Variants in LRRK1 observed in about 807,000 individuals in gnomAD.
LRRK1 encodes leucine rich repeat kinase 1, also known as leucine-rich repeat serine/threonine-protein kinase 1.
Under a neutral mutation model 209.1 loss-of-function variants are expected in LRRK1, and 113 were observed. That is an observed-to-expected ratio of 0.54 (90% CI 0.46 to 0.63). LRRK1 has a LOEUF of 0.63. Among genes scored for constraint, LRRK1 ranks in the 30% least tolerant of loss-of-function variants. LRRK1 has a pLI of 0.00. For synonymous variants in LRRK1, 1,144 were observed against 1,099.7 expected, an observed-to-expected ratio of 1.04 and a Z score of -0.80; for missense variants, 2,284 against 2,632.2, an observed-to-expected ratio of 0.87 and a Z score of 2.89.
chr15:100,999,782 G>A (rs1190521587), intron 6 of LRRK1, among the ~76,000 whole-genome samples: 1 of 152,070 alleles, frequency 6.6e-6, no homozygotes, highest in Non-Finnish European at 1.5e-5. Context: ...TTTTATTTTG[G>A]TAAGTAAATC....
At chr15:100,984,297 TC>T (rs1388269835) in intron 4 of LRRK1, among the ~76,000 whole-genome samples, 1 of 152,232 alleles carries the variant, frequency 6.6e-6, no homozygotes, top group African/African-American at 2.4e-5. Context: ...TGACAACTGA[TC>T]AACTAATATT....
chr15:100,962,804 T>TACATATACATATATATACACATATATAC (rs1252133441), intron 2 of LRRK1, among the ~76,000 whole-genome samples: 1 of 37,190 alleles, frequency 2.7e-5, no homozygotes, highest in African/African-American at 9.8e-5. Flanking sequence ...CATATATATA[T>TACATATACATATATATACACATATATAC]ATATATATAT....
At chr15:100,941,290 C>CTGTGTGTATG (rs1567190626) in intron 2 of LRRK1, among the ~76,000 whole-genome samples, 4 of 28,204 alleles carry the variant, frequency 1.4e-4, no homozygotes, top group African/African-American at 8.8e-4. Flanking sequence ...GTGTGTGTGT[C>CTGTGTGTATG]TGTGTGTGTC....
At chr15:100,972,349 AGAGAGAGAGAGAGAGT>A (rs1257272464) in intron 2 of LRRK1, among the ~76,000 whole-genome samples, 32 of 132,964 alleles carry the variant, frequency 2.4e-4, no homozygotes, top group African/African-American at 9.8e-4. Context: ...AGAGAGAGAG[AGAGAGAGAGAGAGAGT>A]GTGTGTGTGT....
intron 6 of LRRK1, among the ~76,000 whole-genome samples, chr15:101,006,860 T>A (rs900928518): frequency 1.3e-5 from 2 of 152,132 alleles, no homozygotes; most frequent in Admixed American, 6.5e-5. Context: ...ATTTAAAAAA[T>A]TTTTCAAAAT....
At chr15:101,031,640 A>G (rs537927707) in intron 20 of LRRK1, among the ~76,000 whole-genome samples, 1 of 152,240 alleles carries the variant, frequency 6.6e-6, no homozygotes, top group South Asian at 2.1e-4. Flanking sequence ...ATTGCTGGAT[A>G]ATAGAGTGTA....
Position 101,075,832 on chromosome 15 carries a change from C to T in LRRK1, c.*6984C>T, listed in dbSNP as rs1310623010. ...ATTCCTTTGCACCCTTCATCCCAGCCTCTCTTCACTTTCACTTGGACTGAC... is the reference window on the plus strand; with the variant it reads ...ATTCCTTTGCACCCTTCATCCCAGCTTCTCTTCACTTTCACTTGGACTGAC... On this transcript the variant is annotated 3_prime_UTR_variant, in exon 34 of 34. Coordinates refer to ENST00000388948, the MANE Select transcript of LRRK1 (RefSeq NM_024652.6). The T allele has an allele frequency of 9.2e-5, 14 of 152,296 alleles. No homozygotes were observed. Among genetic ancestry groups the T allele is most frequent in the African/African-American group, 3.1e-4 (13 of 41,520 alleles). The allele number at this position is 152,296 out of a possible 1,614,324, so 9.4% of individuals were successfully genotyped here. A position where few individuals can be genotyped will look rare whatever the true frequency, so the allele number is the denominator to read the frequency against.
chr15:100,988,461 C>G, intron 4 of LRRK1, 173 bp from the exon 5 acceptor site: 1 of 683,506 alleles, frequency 1.5e-6, no homozygotes, highest in Non-Finnish European at 2.6e-6. Flanking sequence ...ATCCATGATG[C>G]TGCAAAGTAC....
At chr15:101,025,590 G>A (rs1482881620) in intron 16 of LRRK1, among the ~76,000 whole-genome samples, 1 of 152,204 alleles carries the variant, frequency 6.6e-6, no homozygotes, top group Non-Finnish European at 1.5e-5. Context: ...GAAGGGAAGG[G>A]GAGCCAGCAT....
intron 2 of LRRK1, among the ~76,000 whole-genome samples, chr15:100,966,241 G>A (rs1454424712): frequency 6.6e-6 from 1 of 152,222 alleles, no homozygotes; most frequent in Admixed American, 6.5e-5. Context: ...AAAAGGTGCA[G>A]AAGTTCTAAA....
chr15:100,982,525 C>A (rs1019129887), intron 3 of LRRK1, among the ~76,000 whole-genome samples: 3 of 152,192 alleles, frequency 2.0e-5, no homozygotes, highest in Non-Finnish European at 2.9e-5. Flanking sequence ...CTCCTGGGAC[C>A]TTTACATACC....
chr15:100,957,866 G>A (rs2141630494), intron 2 of LRRK1, among the ~76,000 whole-genome samples: 1 of 152,268 alleles, frequency 6.6e-6, no homozygotes, highest in East Asian at 1.9e-4. Context: ...TCTGTAGTTG[G>A]CTGTTGTTGT....
chr15:101,062,781 G>C, intron 31 of LRRK1, 91 bp downstream of exon 31: 1 of 913,874 alleles, frequency 1.1e-6, no homozygotes, highest in Non-Finnish European at 1.8e-6. Context: ...GGCGCCTGCA[G>C]AGCCACACCT....
In LRRK1 at chr15:101,066,192, A is replaced by G. The variant is rs1252115722; in HGVS notation, c.5755A>G (p.Ile1919Val). 3.1e-6 allele frequency: 5 copies of G among 1,608,088 alleles called. No individual in the cohort carries two copies. Among genetic ancestry groups the G allele is most frequent in the Non-Finnish European group, 2.6e-6 (3 of 1,176,422 alleles). ...GAAGATCCTCGCCGTCAGAGACCTC[A>G]TTTGGGTCCCCAGGTACGTTTCCCG... ...AVKILAVRDL[I>V]WVPRRGGDVI... Residue 1919 changes from isoleucine (I) to valine (V), a missense_variant, in exon 32 of 34, where the codon ATT becomes GTT. Physicochemically the swap from Ile to Val is conservative, Grantham distance 29 (BLOSUM62 3). This residue lies in a region of LRRK1 where 643 missense variants were observed against 695.9 expected (regional missense o/e 0.92). Coordinates refer to ENST00000388948, the MANE Select transcript of LRRK1 (RefSeq NM_024652.6).
At chr15:101,051,534 G>A (rs8039331) in intron 23 of LRRK1, among the ~76,000 whole-genome samples, 177 bp from the exon 24 acceptor site, 61,426 of 152,024 alleles carry the variant, frequency 0.4, 12,760 homozygotes, top group Non-Finnish European at 0.44. Context: ...AAACAATTGC[G>A]CTCTCCAAAA....
At chr15:100,952,167 G>A (rs571768043) in intron 2 of LRRK1, among the ~76,000 whole-genome samples, 2 of 152,162 alleles carry the variant, frequency 1.3e-5, no homozygotes, top group Admixed American at 1.3e-4. Context: ...CAGGGACCTG[G>A]AGGAGGAAGT....
At chr15:100,970,867 T>C (rs1292698883) in intron 2 of LRRK1, among the ~76,000 whole-genome samples, 2 of 152,156 alleles carry the variant, frequency 1.3e-5, no homozygotes, top group African/African-American at 4.8e-5. Flanking sequence ...CAGCAATGTT[T>C]TATGTTTTCA....
At chr15:101,020,789 C>G (rs2033746895) in intron 12 of LRRK1, among the ~76,000 whole-genome samples, 1 of 152,190 alleles carries the variant, frequency 6.6e-6, no homozygotes, top group Admixed American at 6.5e-5. Flanking sequence ...TTGAACCAAC[C>G]CCCTGTGGCT....
intron 29 of LRRK1, 48 bp from the exon 30 acceptor site, chr15:101,061,123 C>G: frequency 7.0e-7 from 1 of 1,425,430 alleles, no homozygotes; most frequent in Non-Finnish European, 9.9e-7. Flanking sequence ...GGAAAGGAGG[C>G]AGCCCCTGGC....
Sources: gnomAD v4.1 joint callset for allele counts (sites outside exome capture counted in the v4.1 genomes callset) on GRCh38, gnomAD v4.1.1 for gene constraint, gnomAD v4.1.1 regional missense constraint, MANE v1.5 for transcripts, NCBI Gene and HGNC (gene_info 2026-07-23, HGNC 2026-07-21) for gene names.